PLXNA2: variants seen among roughly 807,000 people sequenced by gnomAD.
The protein encoded by PLXNA2 is plexin-A2.
PLXNA2 carries 91 observed loss-of-function variants against 193.5 expected under a neutral mutation model. The observed-to-expected ratio is 0.47, with a 90% CI of 0.40 to 0.56. The LOEUF is 0.56. Ranked by LOEUF, PLXNA2 falls within the 20% of genes least tolerant of loss-of-function variation. The pLI is 0.00. For missense variants in PLXNA2, 1,995 were observed against 2,503.2 expected, an observed-to-expected ratio of 0.80 and a Z score of 4.33; for synonymous variants, 997 against 1,027.3, an observed-to-expected ratio of 0.97 and a Z score of 0.56.
intron 3 of PLXNA2, among the ~76,000 whole-genome samples, chr1:208,176,967 T>G (rs561914264): frequency 5.3e-5 from 8 of 152,116 alleles, no homozygotes; most frequent in Admixed American, 1.3e-4. Context: ...ACAGACTGCT[T>G]TGGCTGCTGC....
In PLXNA2 at chr1:208,186,820, C is replaced by T. The variant is rs138176232; in HGVS notation, c.1371+23460G>A. Among the ~76,000 whole-genome samples, 1,012 of 150,872 alleles carry T rather than the reference C, an allele frequency of 6.7e-3. 15 individuals are homozygous for T. Among genetic ancestry groups the T allele is most frequent in the African/African-American group, 0.023 (943 of 40,836 alleles). ...CTGCAAGCTCCGCTTCCCGGGTTCA[C>T]GCCATTCTCCTGCCTCAGCCTCCCG... is the stretch of plus-strand genomic sequence containing the variant. On this transcript the variant is annotated intron_variant, in intron 3 of 31. Transcript: ENST00000367033.
At chr1:208,077,623 G>T (rs1236517540) in intron 12 of PLXNA2, among the ~76,000 whole-genome samples, 1 of 152,212 alleles carries the variant, frequency 6.6e-6, no homozygotes, top group Non-Finnish European at 1.5e-5. Context: ...AAGTTCTCAG[G>T]CCAGCAGTGG....
intron 12 of PLXNA2, among the ~76,000 whole-genome samples, chr1:208,062,996 G>A (rs574021648): frequency 6.6e-6 from 1 of 152,116 alleles, no homozygotes; most frequent in Non-Finnish European, 1.5e-5. Flanking sequence ...GAGACAATTT[G>A]CTTTTAGTTC....
intron 20 of PLXNA2, among the ~76,000 whole-genome samples, chr1:208,043,775 T>A (rs974230643): frequency 6.6e-6 from 1 of 152,234 alleles, no homozygotes; most frequent in Non-Finnish European, 1.5e-5. Flanking sequence ...TGGCTCCACA[T>A]GTCCTATTTC....
At chr1:208,070,593 G>A (rs1665946727) in intron 12 of PLXNA2, among the ~76,000 whole-genome samples, 1 of 152,318 alleles carries the variant, frequency 6.6e-6, no homozygotes, top group South Asian at 2.1e-4. Context: ...AAGAGATGAA[G>A]GACTGGTTTG....
chr1:208,126,398 C>T (rs1488161498), intron 4 of PLXNA2, among the ~76,000 whole-genome samples: 3 of 152,166 alleles, frequency 2.0e-5, no homozygotes, highest in Non-Finnish European at 4.4e-5. Flanking sequence ...AGACTTTCTG[C>T]ACACTAGTCT....
At chr1:208,057,127 A>G (rs1362537578) in intron 13 of PLXNA2, among the ~76,000 whole-genome samples, 1 of 152,232 alleles carries the variant, frequency 6.6e-6, no homozygotes, top group Non-Finnish European at 1.5e-5. Flanking sequence ...CTAGCCCTTA[A>G]TAATAATAAG....
chr1:208,239,240 C>T (rs1232575483), intron 1 of PLXNA2, among the ~76,000 whole-genome samples: 1 of 151,974 alleles, frequency 6.6e-6, no homozygotes, highest in Non-Finnish European at 1.5e-5. Flanking sequence ...CCTGCTACTT[C>T]GGCTTCTCAG....
intron 3 of PLXNA2, among the ~76,000 whole-genome samples, chr1:208,208,643 A>G (rs560117206): frequency 6.6e-6 from 1 of 152,216 alleles, no homozygotes; most frequent in African/African-American, 2.4e-5. Flanking sequence ...TGGAGCAGTG[A>G]CTGAAGGTAG....
chr1:208,152,377 C>T (rs924955913), intron 3 of PLXNA2, among the ~76,000 whole-genome samples: 33 of 152,148 alleles, frequency 2.2e-4, no homozygotes, highest in African/African-American at 7.7e-4. Context: ...ATTGCTAGTG[C>T]GCTGGGGCTG....
At chr1:208,092,736 C>A in intron 9 of PLXNA2, 50 bp downstream of exon 9, 1 of 1,293,214 alleles carries the variant, frequency 7.7e-7, no homozygotes. Flanking sequence ...GAGGGAGGGG[C>A]CACTCAGACT....
chr1:208,237,536 C>T (rs1048783258), intron 1 of PLXNA2, among the ~76,000 whole-genome samples: 9 of 152,166 alleles, frequency 5.9e-5, no homozygotes, highest in East Asian at 1.9e-4. Flanking sequence ...ACAACTCCAG[C>T]GCTGTCCAGT....
At chr1:208,076,121 G>A (rs535099534) in intron 12 of PLXNA2, among the ~76,000 whole-genome samples, 1 of 151,042 alleles carries the variant, frequency 6.6e-6, no homozygotes, top group South Asian at 2.1e-4. Context: ...AGGCTGGAGT[G>A]CAATGGCATG....
intron 2 of PLXNA2, among the ~76,000 whole-genome samples, chr1:208,214,676 C>G (rs1286565451): frequency 6.6e-6 from 1 of 152,118 alleles, no homozygotes; most frequent in Non-Finnish European, 1.5e-5. Flanking sequence ...TACAAGAAAC[C>G]TACTTTTGCA....
chr1:208,158,446 C>CCCCT lies in PLXNA2; in HGVS notation c.1372-15987_1372-15984dup. ...GAAGCTCCTCAGAGACCTGCATTTC[C>CCCCT]CCCTGTCTGCCCCAGACTCCAGAGG... On this transcript the variant is annotated intron_variant, in intron 3 of 31. Coordinates refer to ENST00000367033, the MANE Select transcript of PLXNA2 (RefSeq NM_025179.4). Among the ~76,000 whole-genome samples the CCCCT allele has an allele frequency of 2.0e-5, 3 of 152,260 alleles. No homozygotes were observed. The Middle Eastern group carries it at 0.01, about 518-fold the overall frequency.
chr1:208,214,138 A>C (rs1229139255), intron 2 of PLXNA2, among the ~76,000 whole-genome samples: 2 of 152,132 alleles, frequency 1.3e-5, no homozygotes, highest in Non-Finnish European at 2.9e-5. Context: ...AAAAAAAAAA[A>C]ACCAAAGACT....
At chr1:208,117,804 A>AGG (rs1667684833) in intron 4 of PLXNA2, among the ~76,000 whole-genome samples, 1 of 152,230 alleles carries the variant, frequency 6.6e-6, no homozygotes, top group Admixed American at 6.5e-5. Context: ...AAAGAGAGAG[A>AGG]CAGAAGTAAC....
intron 29 of PLXNA2, chr1:208,031,309 G>A: frequency 7.9e-7 from 1 of 1,267,306 alleles, no homozygotes; most frequent in Non-Finnish European, 1.0e-6. Context: ...AGCCAGGGGA[G>A]GAGGCTCTTC....
At position 208,034,487 on chromosome 1, in the gene PLXNA2, T is replaced by A; in HGVS notation, c.4864+6A>T. 1.9e-6 allele frequency: 3 copies of A among 1,597,652 alleles called. No individual in the cohort carries two copies. The highest frequency in any genetic ancestry group is 2.6e-6 in the Non-Finnish European group (3 of 1,164,882). On this transcript the variant is annotated splice_donor_region_variant and intron_variant, in intron 27 of 31. Transcript: ENST00000367033. ...GAGCTGCCCAGTCTGCCCTCGTGGT[T>A]CTCACCGTATCTGCTGATGGACGTC...
Sources: gnomAD v4.1 joint callset for allele counts (sites outside exome capture counted in the v4.1 genomes callset) on GRCh38, gnomAD v4.1.1 for gene constraint, MANE v1.5 for transcripts, NCBI Gene and HGNC (gene_info 2026-07-23, HGNC 2026-07-21) for gene names.